The following VOPP1 variants were observed in gnomAD, a reference collection of about 807,000 sequenced individuals.
The protein encoded by VOPP1 is VOPP1 WW domain binding protein, also known as WW domain binding protein VOPP1.
In VOPP1, 8 loss-of-function variants were observed where a neutral mutation model predicts 23.5. That is an observed-to-expected ratio of 0.34 (90% CI 0.20 to 0.61). The LOEUF is 0.61. Ranked by LOEUF, VOPP1 falls within the 20% of genes least tolerant of loss-of-function variation. The probability of loss-of-function intolerance (pLI) is 0.78; values close to 1 mark genes in which losing one functional copy is unlikely to be tolerated. For synonymous variants in VOPP1, 83 were observed against 97.3 expected (o/e 0.85, Z 0.86); for missense variants, 174 against 238.1 (o/e 0.73, Z 1.77).
Position 55,462,443 on chromosome 7 carries a change from T to C in VOPP1, n.418-26269A>G, listed in dbSNP as rs572735509. 3.3e-5 allele frequency among the ~76,000 whole-genome samples: 5 copies of C among 152,228 alleles called. No individual in the cohort carries two copies. In the South Asian group the frequency reaches 1.0e-3, roughly 32 times the overall value. ...TCAGCTATTATTTCATTAAATAGGT[T>C]CTCTATGCCTTTGCCCATCTCTTTT... On this transcript the variant is annotated intron_variant and non_coding_transcript_variant, in intron 4 of 4. Coordinates refer to the VOPP1 transcript ENST00000462326.
At chr7:55,474,350 A>G (rs1792073425) in intron 4 of VOPP1, among the ~76,000 whole-genome samples, 1 of 152,114 alleles carries the variant, frequency 6.6e-6, no homozygotes, top group South Asian at 2.1e-4. Flanking sequence ...GGATCCTGCT[A>G]TATGTTATAC....
chr7:55,525,790 A>T (rs75020237), intron 1 of VOPP1, among the ~76,000 whole-genome samples: 294 of 1,606 alleles, frequency 0.18, 10 homozygotes, highest in Middle Eastern at 0.5. Flanking sequence ...AAACCTCTCT[A>T]AAAAAAAAAA....
chr7:55,505,280 C>A (rs760110513), intron 2 of VOPP1, among the ~76,000 whole-genome samples: 2 of 152,122 alleles, frequency 1.3e-5, no homozygotes, highest in African/African-American at 2.4e-5. Flanking sequence ...GAGACTGGGG[C>A]CTGAAAATGA....
rs938337523 is a variant in VOPP1 at position 55,471,623 on chromosome 7, C to T, written c.*1232G>A. 6.6e-6 allele frequency: 1 copy of T among 151,566 alleles called. No individual in the cohort carries two copies. The highest frequency in any genetic ancestry group is 2.4e-5 in the African/African-American group (1 of 41,148). The allele number at this position is 151,566 out of a possible 1,614,324, so 9.4% of individuals were successfully genotyped here. A position where few individuals can be genotyped will look rare whatever the true frequency, so the allele number is the denominator to read the frequency against. ...TATAACTATGCGGCGGAACTAGCTC[C>T]CCGCTAGCCGTCAACTACTCAGGAG... On this transcript the variant is annotated 3_prime_UTR_variant, in exon 5 of 5. Coordinates refer to ENST00000285279, the MANE Select transcript of VOPP1 (RefSeq NM_030796.5).
chr7:55,507,713 CATG>C (rs1172947904), intron 2 of VOPP1, among the ~76,000 whole-genome samples: 6 of 152,232 alleles, frequency 3.9e-5, no homozygotes, highest in African/African-American at 9.6e-5. Context: ...TGGTAATCCA[CATG>C]ATGTCAGAAT....
At chr7:55,552,822 T>C (rs1430352602) in intron 1 of VOPP1, 8 of 1,454,698 alleles carry the variant, frequency 5.5e-6, no homozygotes, top group Non-Finnish European at 6.3e-6. Flanking sequence ...CACTCAGCCA[T>C]GCTCAACCCA....
intron 3 of VOPP1, 39 bp from the exon 4 acceptor site, chr7:55,492,457 G>C (rs1049934372): frequency 1.3e-6 from 2 of 1,574,920 alleles, no homozygotes; most frequent in Non-Finnish European, 1.7e-6. Flanking sequence ...GCTCCCAGGT[G>C]GGGGCCCTGA....
intron 4 of VOPP1, among the ~76,000 whole-genome samples, chr7:55,443,661 T>G (rs1246886645): frequency 6.9e-6 from 1 of 144,070 alleles, no homozygotes; most frequent in Non-Finnish European, 1.5e-5. Context: ...TTTTTTTTTT[T>G]GAGACGGAGT....
At chr7:55,557,608 T>C (rs1434947456) in intron 1 of VOPP1, among the ~76,000 whole-genome samples, 1 of 151,914 alleles carries the variant, frequency 6.6e-6, no homozygotes, top group Non-Finnish European at 1.5e-5. Context: ...CCAAAATGAG[T>C]GCCCCATTAG....
At chr7:55,454,415 T>C (rs1247745322) in intron 4 of VOPP1, among the ~76,000 whole-genome samples, 1 of 152,116 alleles carries the variant, frequency 6.6e-6, no homozygotes, top group East Asian at 1.9e-4. Context: ...TTCCAAACAA[T>C]AGAAAAAGAG....
At chr7:55,446,398 A>G (rs1210623232) in intron 4 of VOPP1, among the ~76,000 whole-genome samples, 6 of 152,204 alleles carry the variant, frequency 3.9e-5, no homozygotes, top group Non-Finnish European at 4.4e-5. Flanking sequence ...CTGAGGGACT[A>G]CTGTAAACTG....
downstream of VOPP1, among the ~76,000 whole-genome samples, chr7:55,469,047 T>C (rs1447715015): frequency 6.6e-6 from 1 of 152,364 alleles, no homozygotes; most frequent in Admixed American, 6.5e-5. Context: ...TAAATAGTTG[T>C]AGAATCTAGG....
chr7:55,466,024 G>A (rs78274425), downstream of VOPP1, among the ~76,000 whole-genome samples: 1,828 of 152,276 alleles, frequency 0.012, 12 homozygotes, highest in Admixed American at 0.021. Flanking sequence ...GGGGGAGGGA[G>A]CCCTCATGAA....
At chr7:55,521,935 T>C in intron 1 of VOPP1, 1 of 982,272 alleles carries the variant, frequency 1.0e-6, no homozygotes, top group South Asian at 4.7e-5. Context: ...CTGTCATTTT[T>C]GTTTTACATT....
intron 2 of VOPP1, among the ~76,000 whole-genome samples, chr7:55,498,722 G>A (rs1794158052): frequency 6.6e-6 from 1 of 152,146 alleles, no homozygotes. Flanking sequence ...TTCAGCCTAA[G>A]GTCTTGGGCA....
chr7:55,514,497 C>T (rs1005650444), intron 2 of VOPP1, among the ~76,000 whole-genome samples: 5 of 152,212 alleles, frequency 3.3e-5, no homozygotes, highest in African/African-American at 1.2e-4. Context: ...ACTCCGTCTC[C>T]AACCCTCCTT....
intron 2 of VOPP1, among the ~76,000 whole-genome samples, chr7:55,509,555 T>C (rs769732939): frequency 2.0e-5 from 3 of 152,170 alleles, no homozygotes; most frequent in Admixed American, 6.5e-5. Flanking sequence ...GGTTCCAACA[T>C]AGGAATTTTG....
intron 2 of VOPP1, among the ~76,000 whole-genome samples, chr7:55,519,464 AGCACACAGGAGGAG>A (rs1218840696): frequency 6.6e-6 from 1 of 152,232 alleles, no homozygotes. Context: ...TTTAAGGAAG[AGCACACAGGAGGAG>A]GCGAAAGGTC....
chr7:55,449,644 G>T (rs992590796), intron 4 of VOPP1, among the ~76,000 whole-genome samples: 1 of 152,238 alleles, frequency 6.6e-6, no homozygotes, highest in African/African-American at 2.4e-5. Context: ...ACTGGCTGGG[G>T]TCACCTGGAA....
Sources: allele counts gnomAD v4.1 joint callset (sites outside exome capture counted in the v4.1 genomes callset), GRCh38; gene constraint gnomAD v4.1.1; transcripts MANE v1.5; gene names NCBI Gene and HGNC (gene_info 2026-07-23, HGNC 2026-07-21).